The following FGD6 variants were observed in gnomAD, a reference collection of about 807,000 sequenced individuals.
FGD6 encodes FYVE, RhoGEF and PH domain containing 6, also known as FYVE, RhoGEF and PH domain-containing protein 6.
A neutral mutation model predicts 149.4 loss-of-function variants in FGD6; 90 were observed. That is an observed-to-expected ratio of 0.60 (90% CI 0.51 to 0.72). The LOEUF is 0.72. FGD6 is among the 30% of genes least tolerant of loss of function. The pLI is 0.00. For missense variants in FGD6, 1,437 were observed against 1,684.8 expected, an observed-to-expected ratio of 0.85 and a Z score of 2.57; for synonymous variants, 527 against 584.0, an observed-to-expected ratio of 0.90 and a Z score of 1.41.
intron 2 of FGD6, among the ~76,000 whole-genome samples, chr12:95,204,710 G>GCGCA (rs1555222936): frequency 1.2e-4 from 18 of 151,066 alleles, no homozygotes; most frequent in East Asian, 2.0e-4. Flanking sequence ...GCATGCACGC[G>GCGCA]CACACACACA....
At chr12:95,181,216 G>A (rs1881273626) in intron 2 of FGD6, among the ~76,000 whole-genome samples, 1 of 152,092 alleles carries the variant, frequency 6.6e-6, no homozygotes. Flanking sequence ...GGCCCACAGA[G>A]TAACCACACA....
chr12:95,168,062 C>T (rs910670642), intron 3 of FGD6, among the ~76,000 whole-genome samples: 2 of 44,362 alleles, frequency 4.5e-5, no homozygotes, highest in African/African-American at 3.6e-4. Flanking sequence ...TTTTGTATTA[C>T]ACACATTTTT....
chr12:95,091,865 C>T (rs1878065709), intron 16 of FGD6, 56 bp from the exon 17 acceptor site: 2 of 1,336,654 alleles, frequency 1.5e-6, no homozygotes, highest in Non-Finnish European at 1.1e-6. Flanking sequence ...TGTGTTTCTA[C>T]ACCATAAAGT....
chr12:95,195,681 A>G (rs1353296603), intron 2 of FGD6, among the ~76,000 whole-genome samples: 1 of 61,868 alleles, frequency 1.6e-5, no homozygotes, highest in Admixed American at 1.7e-4. Flanking sequence ...AGGGCCGGGC[A>G]TGGTGGCTCA....
chr12:95,202,390 AAAAATAAAATAAAAT>A (rs59414022), intron 2 of FGD6, among the ~76,000 whole-genome samples: 20 of 141,794 alleles, frequency 1.4e-4, no homozygotes, highest in Middle Eastern at 3.5e-3. Context: ...CCATTTCCCA[AAAAATAAAATAAAAT>A]AAAATAAAAT....
In FGD6 at chr12:95,167,821, C is replaced by T. The variant is rs377531099; in HGVS notation, c.2586+4779G>A. 9.9e-5 allele frequency among the ~76,000 whole-genome samples: 15 copies of T among 152,128 alleles called. No individual in the cohort carries two copies. The South Asian group carries it at 1.2e-3, about 13-fold the overall frequency. ...AACTCCTGACCTCAAGTGATCTGCC[C>T]GCCTCGACCTCCCAAAGTGCTGGGA... is the stretch of plus-strand genomic sequence containing the variant. On this transcript the variant is annotated intron_variant, in intron 3 of 20. Transcript: ENST00000343958.
rs796638538 is a variant in FGD6, at chr12:95,099,278, AG to A, written c.3498-4585del. 2.2e-4 allele frequency among the ~76,000 whole-genome samples: 34 copies of A among 152,356 alleles called. No individual in the cohort carries two copies. The East Asian group carries it at 2.3e-3, about 10-fold the overall frequency. On this transcript the variant is annotated intron_variant, in intron 14 of 20. Transcript: ENST00000343958. The stretch of plus-strand genomic sequence containing the variant: ...CTTACTGAACGAAGGGATGAACTGC[AG>A]GTGGAGGTAACACCTGTGGAAGGCA...
intron 3 of FGD6, among the ~76,000 whole-genome samples, chr12:95,170,401 G>A (rs1310672501): frequency 1.3e-5 from 2 of 152,112 alleles, no homozygotes; most frequent in African/African-American, 4.8e-5. Flanking sequence ...AGCACTTTGG[G>A]AGGCCCGAGG....
intron 2 of FGD6, among the ~76,000 whole-genome samples, chr12:95,204,014 A>G (rs532516707): frequency 3.3e-5 from 5 of 152,310 alleles, no homozygotes; most frequent in African/African-American, 9.6e-5. Context: ...TCACCTGAAT[A>G]TCAATAAGAT....
At chr12:95,114,443 TACACACACACACACACACACAC>T (rs60238488) in intron 8 of FGD6, among the ~76,000 whole-genome samples, 85 of 125,440 alleles carry the variant, frequency 6.8e-4, no homozygotes, top group South Asian at 5.3e-3. Context: ...CCATCTCTAC[TACACACACACACACACACACAC>T]ACACACACAC....
chr12:95,096,990 T>C (rs1878252217), intron 14 of FGD6, among the ~76,000 whole-genome samples: 1 of 152,250 alleles, frequency 6.6e-6, no homozygotes, highest in South Asian at 2.1e-4. Flanking sequence ...TGTTGGATTC[T>C]TCTGGAGCCC....
rs781088469 is a variant in FGD6 at position 95,081,463 on chromosome 12, T to C, written c.*57A>G. 6.8e-7 allele frequency: 1 copy of C among 1,470,396 alleles called. No homozygotes were observed. Among genetic ancestry groups the C allele is most frequent in the African/African-American group, 1.4e-5 (1 of 71,422 alleles). The allele number at this position is 1,470,396 out of a possible 1,614,324, so 91.1% of individuals were successfully genotyped here. ...TATACAATTTTTGAATTGCATTTACTCCATTCTGATGAAATTCCACCTCTT... is the reference window on the plus strand; with the variant it reads ...TATACAATTTTTGAATTGCATTTACCCCATTCTGATGAAATTCCACCTCTT... On this transcript the variant is annotated 3_prime_UTR_variant, in exon 21 of 21. Transcript: ENST00000343958.
At chr12:95,127,460 C>A (rs1278339852) in intron 8 of FGD6, among the ~76,000 whole-genome samples, 1 of 152,224 alleles carries the variant, frequency 6.6e-6, no homozygotes, top group African/African-American at 2.4e-5. Context: ...AGAAGAATCA[C>A]TTGAACCCAG....
chr12:95,106,924 A>AAACAAAACAAAGC, intron 13 of FGD6, 30 bp downstream of exon 13: 1 of 1,171,812 alleles, frequency 8.5e-7, no homozygotes, highest in Non-Finnish European at 1.2e-6. Flanking sequence ...AAACAAAACA[A>AAACAAAACAAAGC]AAAACAAAAC....
chr12:95,137,584 C>A lies in FGD6; in HGVS notation c.2932G>T (p.Ala978Ser), dbSNP rs1879706124. 3.1e-6 allele frequency: 5 copies of A among 1,611,196 alleles called. No individual in the cohort carries two copies. In the African/African-American group the frequency reaches 5.3e-5, roughly 17 times the overall value. ...TYIKEFDKNI[A>S]LLDEQCKKNP... Reference sequence around the variant, plus strand: ...TTCTTGCACTGTTCATCCAGCAAGGCTATATTCTTATCAAATTCTTTGATG... The same window carrying A: ...TTCTTGCACTGTTCATCCAGCAAGGATATATTCTTATCAAATTCTTTGATG... Residue 978 changes from alanine (A) to serine (S), a missense_variant, in exon 7 of 21, where the codon GCC (alanine) becomes TCC (serine). Physicochemically the swap from Ala to Ser is moderately conservative, Grantham distance 99. This residue lies in a region of FGD6 where 382 missense variants were observed against 538.7 expected (regional missense o/e 0.71). Transcript: ENST00000343958.
At chr12:95,138,469 G>A (rs113722976) in intron 6 of FGD6, among the ~76,000 whole-genome samples, 30 of 151,594 alleles carry the variant, frequency 2.0e-4, no homozygotes, top group Admixed American at 7.2e-4. Context: ...GCTTGAACCC[G>A]GTAGGTAGAG....
intron 15 of FGD6, 21 bp downstream of exon 15, chr12:95,094,571 A>G: frequency 6.4e-7 from 1 of 1,553,396 alleles, no homozygotes; most frequent in Non-Finnish European, 8.7e-7. Flanking sequence ...TGGAAAAAAA[A>G]AAAAAAGGAG....
chr12:95,120,193 C>A (rs1214849123), intron 8 of FGD6, among the ~76,000 whole-genome samples: 1 of 151,786 alleles, frequency 6.6e-6, no homozygotes, highest in Non-Finnish European at 1.5e-5. Context: ...CACGTCACTG[C>A]ACTCCAGCCT....
intron 8 of FGD6, among the ~76,000 whole-genome samples, chr12:95,121,481 G>GTGTATATATATATATA (rs1491167311): frequency 8.2e-6 from 1 of 121,910 alleles, no homozygotes; most frequent in African/African-American, 3.4e-5. Flanking sequence ...ATATATATAT[G>GTGTATATATATATATA]TATATATATA....
Sources: allele counts gnomAD v4.1 joint callset (sites outside exome capture counted in the v4.1 genomes callset), GRCh38; gene constraint gnomAD v4.1.1; regional missense constraint gnomAD v4.1.1; transcripts MANE v1.5; gene names NCBI Gene and HGNC (gene_info 2026-07-23, HGNC 2026-07-21).